Variants in SCFD2 observed in about 807,000 individuals in gnomAD.
SCFD2 encodes the protein sec1 family domain-containing protein 2.
In SCFD2, 54 loss-of-function variants were observed where a neutral mutation model predicts 58.9. The observed-to-expected ratio is 0.92, with a 90% confidence interval of 0.74 to 1.15. The LOEUF is 1.15. Among genes scored for constraint, SCFD2 ranks in the 50% most tolerant of loss-of-function variants. SCFD2 has a pLI of 0.00. For synonymous variants in SCFD2, 321 were observed against 335.9 expected, an observed-to-expected ratio of 0.96 and a Z score of 0.49; for missense variants, 805 against 836.6, an observed-to-expected ratio of 0.96 and a Z score of 0.47.
At chr4:53,203,434 C>G (rs557509960) in intron 4 of SCFD2, among the ~76,000 whole-genome samples, 6 of 151,204 alleles carry the variant, frequency 4.0e-5, no homozygotes, top group African/African-American at 1.5e-4. Flanking sequence ...TTTCAATTTT[C>G]GATCAAAGAA....
At chr4:53,245,039 C>A (rs984942281) in intron 4 of SCFD2, among the ~76,000 whole-genome samples, 17 of 151,984 alleles carry the variant, frequency 1.1e-4, no homozygotes, top group Admixed American at 6.6e-5. Context: ...CACATACACC[C>A]TCCCAAGAAT....
At chr4:53,140,906 G>T (rs1257576981) in intron 5 of SCFD2, among the ~76,000 whole-genome samples, 1 of 152,048 alleles carries the variant, frequency 6.6e-6, no homozygotes, top group African/African-American at 2.4e-5. Flanking sequence ...TAAATTTTTA[G>T]TATACAAAAA....
intron 4 of SCFD2, among the ~76,000 whole-genome samples, chr4:53,210,033 A>T (rs1277759118): frequency 2.0e-5 from 3 of 152,088 alleles, no homozygotes; most frequent in African/African-American, 4.8e-5. Context: ...ATCACCATGG[A>T]TAAGAAGACT....
rs535104615 is a variant in SCFD2 at position 53,203,301 on chromosome 4, T to G, written c.1312-57719A>C. On this transcript the variant is annotated intron_variant, in intron 4 of 8. Transcript: ENST00000401642. ...TGAGATAATCATGTGGTTTTTGTCT[T>G]TGGTTCTGTTTATATGCTGACAAAC... 3.3e-5 allele frequency among the ~76,000 whole-genome samples: 5 copies of G among 152,278 alleles called. No homozygotes were observed. The South Asian group carries it at 1.0e-3, about 32-fold the overall frequency.
intron 4 of SCFD2, among the ~76,000 whole-genome samples, chr4:53,204,657 A>C (rs1728353740): frequency 6.7e-6 from 1 of 149,324 alleles, no homozygotes; most frequent in Admixed American, 6.7e-5. Flanking sequence ...TTAAAAAATC[A>C]AGAAAATTTT....
At chr4:53,238,115 C>T (rs1176749861) in intron 4 of SCFD2, among the ~76,000 whole-genome samples, 1 of 133,456 alleles carries the variant, frequency 7.5e-6, no homozygotes, top group Non-Finnish European at 1.6e-5. Context: ...CCTCACTTCC[C>T]AGTAGGGGTG....
intron 5 of SCFD2, among the ~76,000 whole-genome samples, chr4:53,078,823 A>G (rs1163198625): frequency 6.6e-6 from 1 of 152,156 alleles, no homozygotes; most frequent in Non-Finnish European, 1.5e-5. Flanking sequence ...TTAAATGGTT[A>G]TGTCTTGTTC....
At chr4:53,027,684 C>G (rs538410880) in intron 5 of SCFD2, among the ~76,000 whole-genome samples, 284 of 151,572 alleles carry the variant, frequency 1.9e-3, no homozygotes, top group Non-Finnish European at 3.2e-3. Flanking sequence ...AAAAATTTGC[C>G]AGGTGTGGTG....
At chr4:53,067,520 G>A (rs1306264257) in intron 5 of SCFD2, among the ~76,000 whole-genome samples, 1 of 152,012 alleles carries the variant, frequency 6.6e-6, no homozygotes, top group Non-Finnish European at 1.5e-5. Context: ...GGGACTAGGT[G>A]GAGATAACTG....
In SCFD2 at chr4:53,218,375, G is replaced by A. The variant is rs572026526; in HGVS notation, c.1311+55451C>T. Among the ~76,000 whole-genome samples, 277 of 151,994 alleles carry A rather than the reference G, an allele frequency of 1.8e-3. 2 individuals carry two copies. The highest frequency in any genetic ancestry group is 5.8e-3 in the African/African-American group (242 of 41,432). On this transcript the variant is annotated intron_variant, in intron 4 of 8. Transcript: ENST00000401642. ...CTTTTTTCTCTAAACTTCTCTTCTC[G>A]CTTCATTTCATTCATTTGATCTTCT... is the stretch of plus-strand genomic sequence containing the variant.
At chr4:53,270,141 G>A (rs1221768574) in intron 4 of SCFD2, among the ~76,000 whole-genome samples, 4 of 152,192 alleles carry the variant, frequency 2.6e-5, no homozygotes, top group African/African-American at 9.7e-5. Flanking sequence ...ATGTTTACAT[G>A]TGTATGAGTA....
intron 3 of SCFD2, 97 bp downstream of exon 3, chr4:53,313,539 T>G: frequency 7.0e-7 from 1 of 1,426,574 alleles, no homozygotes; most frequent in Non-Finnish European, 9.8e-7. Flanking sequence ...CGTTACTACT[T>G]TGGCCTAGAT....
In SCFD2 at chr4:53,326,809, C is replaced by T. The variant is rs1733212396; in HGVS notation, c.1008-13046G>A. On this transcript the variant is annotated intron_variant, in intron 2 of 8. Coordinates refer to ENST00000401642, the MANE Select transcript of SCFD2 (RefSeq NM_152540.4). The stretch of plus-strand genomic sequence containing the variant: ...GTTAGCAAGTTGATTTTCATAGGTC[C>T]ACAGGTGAATATCTTTAGTTGTCAT... 3.3e-5 allele frequency among the ~76,000 whole-genome samples: 5 copies of T among 151,996 alleles called. No homozygotes were observed. The South Asian group carries it at 1.0e-3, about 32-fold the overall frequency.
intron 5 of SCFD2, among the ~76,000 whole-genome samples, chr4:52,965,723 T>G (rs1171529844): frequency 6.6e-6 from 1 of 152,204 alleles, no homozygotes; most frequent in African/African-American, 2.4e-5. Flanking sequence ...GTACCATACA[T>G]GTGACCAAAA....
intron 3 of SCFD2, among the ~76,000 whole-genome samples, chr4:53,293,699 T>C (rs1036770205): frequency 4.6e-5 from 7 of 152,150 alleles, no homozygotes; most frequent in African/African-American, 1.4e-4. Flanking sequence ...AAAAGTTTTT[T>C]CCCTAAAATC....
At chr4:53,098,221 C>T (rs1431384755) in intron 5 of SCFD2, among the ~76,000 whole-genome samples, 2 of 152,172 alleles carry the variant, frequency 1.3e-5, no homozygotes, top group Non-Finnish European at 2.9e-5. Flanking sequence ...CAGGATGATG[C>T]TGGCCTCATA....
At chr4:53,344,033 T>C (rs1315142932) in intron 2 of SCFD2, among the ~76,000 whole-genome samples, 2 of 152,088 alleles carry the variant, frequency 1.3e-5, no homozygotes, top group African/African-American at 4.8e-5. Flanking sequence ...CTTTGAAAAC[T>C]GGCACAAGAC....
intron 3 of SCFD2, among the ~76,000 whole-genome samples, chr4:53,274,393 A>G (rs1731267301): frequency 6.6e-6 from 1 of 152,166 alleles, no homozygotes; most frequent in South Asian, 2.1e-4. Flanking sequence ...AAAAGATAAG[A>G]TTTCTAATTG....
At chr4:52,996,865 G>C (rs890834722) in intron 5 of SCFD2, among the ~76,000 whole-genome samples, 1 of 152,174 alleles carries the variant, frequency 6.6e-6, no homozygotes, top group Admixed American at 6.5e-5. Context: ...GAAAAGATAA[G>C]GCTGCATTCC....
Sources: allele counts gnomAD v4.1 joint callset (sites outside exome capture counted in the v4.1 genomes callset), GRCh38; gene constraint gnomAD v4.1.1; transcripts MANE v1.5; gene names NCBI Gene and HGNC (gene_info 2026-07-23, HGNC 2026-07-21).